XRCC4: variants seen among roughly 807,000 people sequenced by gnomAD.
XRCC4 encodes the protein X-ray repair cross complementing 4.
Under a neutral mutation model 39.1 loss-of-function variants are expected in XRCC4, and 28 were observed. That is an observed-to-expected ratio of 0.72 (90% CI 0.53 to 0.98). XRCC4 has a LOEUF of 0.98. Among genes scored for constraint, XRCC4 ranks in the 50% least tolerant of loss-of-function variants. The pLI is 0.00. For missense variants in XRCC4, 350 were observed against 376.4 expected, an observed-to-expected ratio of 0.93 and a Z score of 0.58; for synonymous variants, 123 against 126.4, an observed-to-expected ratio of 0.97 and a Z score of 0.18.
At chr5:83,166,434 C>T (rs1211507998) in intron 3 of XRCC4, among the ~76,000 whole-genome samples, 3 of 151,502 alleles carry the variant, frequency 2.0e-5, no homozygotes, top group African/African-American at 7.3e-5. Context: ...TACCCTCCCA[C>T]CAACAGTATA....
At chr5:83,339,142 C>T (rs1163045317) in intron 7 of XRCC4, among the ~76,000 whole-genome samples, 2 of 152,146 alleles carry the variant, frequency 1.3e-5, no homozygotes, top group Non-Finnish European at 2.9e-5. Context: ...TTTTACTTTA[C>T]AGTTTGGTTA....
At chr5:83,298,351 A>G (rs750745078) in intron 7 of XRCC4, among the ~76,000 whole-genome samples, 56 of 151,768 alleles carry the variant, frequency 3.7e-4, no homozygotes, top group Non-Finnish European at 7.2e-4. Flanking sequence ...CCCTCTGTTT[A>G]TCCTATGAAA....
intron 6 of XRCC4, among the ~76,000 whole-genome samples, chr5:83,239,216 T>A (rs1376688876): frequency 6.6e-6 from 1 of 152,226 alleles, no homozygotes; most frequent in Non-Finnish European, 1.5e-5. Context: ...TGCCTTTTAG[T>A]AGTTCACTCT....
intron 3 of XRCC4, among the ~76,000 whole-genome samples, chr5:83,174,104 A>G (rs150554972): frequency 6.6e-6 from 1 of 152,324 alleles, no homozygotes; most frequent in East Asian, 1.9e-4. Flanking sequence ...TGTGACAGGC[A>G]CACCAGGCAT....
In XRCC4 at chr5:83,179,564, C is replaced by G. The variant is rs137953948; in HGVS notation, c.316-16206C>G. Among the ~76,000 whole-genome samples the G allele has an allele frequency of 7.7e-3, 1,171 of 152,266 alleles. 12 individuals carry two copies. Among genetic ancestry groups the G allele is most frequent in the African/African-American group, 0.026 (1,095 of 41,562 alleles). On this transcript the variant is annotated intron_variant, in intron 3 of 7. Transcript: ENST00000396027. Reference sequence around the variant, plus strand: ...TTAACTTCTTGGCTCTGTTTGCAGACTGACTTTGTCTGCTTCATTGTTCTC... The same window carrying G: ...TTAACTTCTTGGCTCTGTTTGCAGAGTGACTTTGTCTGCTTCATTGTTCTC...
chr5:83,344,820 A>G (rs1756871981), intron 7 of XRCC4, among the ~76,000 whole-genome samples: 1 of 152,178 alleles, frequency 6.6e-6, no homozygotes, highest in Admixed American at 6.5e-5. Flanking sequence ...ATACCTTGAC[A>G]GTTACTACCA....
chr5:83,331,835 T>A (rs1374798477), intron 7 of XRCC4, among the ~76,000 whole-genome samples: 3 of 152,082 alleles, frequency 2.0e-5, no homozygotes, highest in African/African-American at 7.2e-5. Context: ...AATAAAATAA[T>A]CGCTTCATCA....
intron 4 of XRCC4, among the ~76,000 whole-genome samples, chr5:83,198,041 C>T (rs187364027): frequency 1.7e-3 from 257 of 152,266 alleles, no homozygotes; most frequent in Admixed American, 3.5e-3. Context: ...AAAGGATTTA[C>T]AGCTTTAGCT....
At chr5:83,287,409 G>C (rs944062350) in intron 7 of XRCC4, among the ~76,000 whole-genome samples, 4 of 152,030 alleles carry the variant, frequency 2.6e-5, no homozygotes, top group Non-Finnish European at 5.9e-5. Context: ...AAATGTTAAT[G>C]TGAAGGAGAA....
chr5:83,242,393 C>T (rs1024855458), intron 6 of XRCC4, among the ~76,000 whole-genome samples: 2 of 152,058 alleles, frequency 1.3e-5, no homozygotes, highest in African/African-American at 2.4e-5. Flanking sequence ...TATTTTAAAA[C>T]AAATAAACAA....
At chr5:83,238,142 T>G (rs1431893153) in intron 6 of XRCC4, among the ~76,000 whole-genome samples, 3 of 152,184 alleles carry the variant, frequency 2.0e-5, no homozygotes, top group Non-Finnish European at 4.4e-5. Flanking sequence ...CTATCTGATT[T>G]TTGAGAGGCC....
At chr5:83,358,303 A>G (rs1426404408), downstream of XRCC4, among the ~76,000 whole-genome samples, 3 of 152,074 alleles carry the variant, frequency 2.0e-5, no homozygotes, top group Admixed American at 6.6e-5. Flanking sequence ...TATCTGCTCA[A>G]AAACACTCTC....
At chr5:83,340,656 C>G (rs35219614) in intron 7 of XRCC4, among the ~76,000 whole-genome samples, 12,790 of 151,684 alleles carry the variant, frequency 0.084, 1,137 homozygotes, top group East Asian at 0.48. Context: ...AGCTTCTCCA[C>G]TAGTGCCTCC....
chr5:83,094,808 C>T (rs1198242893), intron 1 of XRCC4, among the ~76,000 whole-genome samples: 2 of 151,776 alleles, frequency 1.3e-5, no homozygotes, highest in African/African-American at 2.4e-5. Flanking sequence ...GCTTCAGCCT[C>T]CTGAGTTGCT....
chr5:83,195,211 A>G (rs1750888803), intron 3 of XRCC4, among the ~76,000 whole-genome samples: 2 of 152,148 alleles, frequency 1.3e-5, no homozygotes, highest in African/African-American at 4.8e-5. Context: ...ATGCAAAAGT[A>G]CTAAAGCTTG....
intron 1 of XRCC4, among the ~76,000 whole-genome samples, chr5:83,095,820 A>C (rs569987078): frequency 6.6e-6 from 1 of 152,144 alleles, no homozygotes; most frequent in Non-Finnish European, 1.5e-5. Context: ...GCTGTGGGAC[A>C]GGAGCTGGCA....
intron 7 of XRCC4, among the ~76,000 whole-genome samples, chr5:83,261,060 A>G (rs1343977165): frequency 4.6e-5 from 7 of 152,034 alleles, no homozygotes; most frequent in Non-Finnish European, 8.8e-5. Flanking sequence ...ATTTTTTTAT[A>G]CTATAGGATT....
downstream of XRCC4, chr5:83,356,730 C>T: frequency 2.2e-6 from 1 of 454,132 alleles, no homozygotes; most frequent in Middle Eastern, 3.3e-4. Context: ...ATTGTCTATA[C>T]TCTAAACATT....
At chr5:83,358,392 T>TC (rs1757213525), downstream of XRCC4, among the ~76,000 whole-genome samples, 1 of 152,170 alleles carries the variant, frequency 6.6e-6, no homozygotes, top group Admixed American at 6.6e-5. Flanking sequence ...CTCTTTTTTT[T>TC]CTTTTCCTCT....
Sources: allele counts gnomAD v4.1 joint callset (sites outside exome capture counted in the v4.1 genomes callset), GRCh38; gene constraint gnomAD v4.1.1; transcripts MANE v1.5; gene names NCBI Gene and HGNC (gene_info 2026-07-23, HGNC 2026-07-21).